The following FER1L6 variants were observed in gnomAD, a reference collection of about 807,000 sequenced individuals.
FER1L6 encodes fer-1-like protein 6.
In FER1L6, 177 loss-of-function variants were observed where a neutral mutation model predicts 219.2. The ratio of observed to expected loss-of-function variants is 0.81; its 90% confidence interval spans 0.71 to 0.91. The LOEUF (loss-of-function observed/expected upper bound fraction) is 0.91, where lower values mean the gene tolerates loss of function less well. FER1L6 is among the 40% of genes least tolerant of loss of function. The pLI, the probability that FER1L6 is intolerant of heterozygous loss-of-function variation, is 0.00. For synonymous variants in FER1L6, 768 were observed against 824.3 expected (o/e 0.93, Z 1.17); for missense variants, 2,153 against 2,259.9 (o/e 0.95, Z 0.96).
At chr8:124,108,432 G>T (rs77619736) in intron 39 of FER1L6, among the ~76,000 whole-genome samples, 6 of 152,118 alleles carry the variant, frequency 3.9e-5, no homozygotes, top group Admixed American at 3.9e-4. Context: ...TCAGATTTTC[G>T]CTTGAGCCAT....
chr8:123,975,252 G>C lies in FER1L6; in HGVS notation c.629G>C (p.Gly210Ala). ...LKCDISVMGKGDVLKTSPKTS... is the reference protein window; with the variant it reads ...LKCDISVMGKADVLKTSPKTS... Reference sequence around the variant, plus strand: ...TGTGACATCAGTGTCATGGGAAAAGGTGATGTCTTGAAGACCAGCCCTAAA... The same window carrying C: ...TGTGACATCAGTGTCATGGGAAAAGCTGATGTCTTGAAGACCAGCCCTAAA... The change falls in exon 8 of 41, where the codon GGT (glycine) becomes GCT (alanine). Residue 210 changes from glycine to alanine, a missense_variant. Gly to Ala is a moderately conservative substitution (Grantham distance 60). Transcript: ENST00000522917. 6.2e-7 allele frequency: 1 copy of C among 1,613,486 alleles called. No individual in the cohort carries two copies. The highest frequency in any genetic ancestry group is 8.5e-7 in the Non-Finnish European group (1 of 1,179,732).
In FER1L6 at chr8:124,049,725, G is replaced by C. The variant is rs376635454; in HGVS notation, c.2843G>C (p.Gly948Ala). Residue 948 changes from glycine (G) to alanine (A), a missense_variant, in exon 22 of 41, where the codon GGG becomes GCG. Transcript: ENST00000522917. ...ATCTTTTGTGGGAATCTCTCTGGAG[G>C]GGATCTCCTTGCTGTATTTGAACTG... Reference protein sequence around the residue: ...HPIFCGNLSGGDLLAVFELLQ... With the variant: ...HPIFCGNLSGADLLAVFELLQ... The C allele has an allele frequency of 3.7e-6, 6 of 1,613,900 alleles. No homozygotes were observed. The highest frequency in any genetic ancestry group is 1.7e-4 in the Middle Eastern group (1 of 6,048).
Position 123,938,609 on chromosome 8 carries a change from C to T in FER1L6, c.-7-17383C>T, listed in dbSNP as rs560450540. Among the ~76,000 whole-genome samples the T allele has an allele frequency of 6.0e-4, 86 of 143,798 alleles. 1 individual carries two copies. Among genetic ancestry groups the T allele is most frequent in the African/African-American group, 2.1e-3 (80 of 38,642 alleles). The allele number at this position is 143,798 out of a possible 152,430, so 94.3% of individuals were successfully genotyped here. On this transcript the variant is annotated intron_variant, in intron 1 of 40. Coordinates refer to ENST00000522917, the MANE Select transcript of FER1L6 (RefSeq NM_001039112.2). ...TCACCCAGGCTCAAGTGCAGTGGTG[C>T]GATCTTGGCTCACTGCAACCTCCAC...
chr8:123,992,333 AT>A (rs141246673), intron 12 of FER1L6, among the ~76,000 whole-genome samples: 26,478 of 151,890 alleles, frequency 0.17, 2,847 homozygotes, highest in South Asian at 0.28. Flanking sequence ...TGGCCCTAGG[AT>A]TTTTTTGTTG....
chr8:124,003,433 A>G, intron 13 of FER1L6, 86 bp downstream of exon 13: 1 of 575,486 alleles, frequency 1.7e-6, no homozygotes, highest in Non-Finnish European at 2.7e-6. Context: ...TCAGTTCTTC[A>G]CTAAAATCAG....
At chr8:123,965,765 A>G (rs1186407652) in intron 3 of FER1L6, among the ~76,000 whole-genome samples, 5 of 152,194 alleles carry the variant, frequency 3.3e-5, no homozygotes, top group Admixed American at 1.3e-4. Flanking sequence ...TTAAACCTTT[A>G]TATGCACTAT....
chr8:124,021,698 T>G, intron 17 of FER1L6, 29 bp downstream of exon 17: 1 of 1,612,360 alleles, frequency 6.2e-7, no homozygotes, highest in Non-Finnish European at 8.5e-7. Flanking sequence ...AAACCTCATT[T>G]GGAAGGTTAG....
Position 124,031,411 on chromosome 8 carries a change from C to G in FER1L6, c.2287-3866C>G, listed in dbSNP as rs148211901. On this transcript the variant is annotated intron_variant, in intron 18 of 40. Transcript: ENST00000522917. The stretch of plus-strand genomic sequence containing the variant: ...AAGGGTATTATCTAATGCTAGTGGA[C>G]TGAGTGGGGAAACAGCAAGGCCTGT... Among the ~76,000 whole-genome samples, 610 of 152,124 alleles carry G rather than the reference C, an allele frequency of 4.0e-3. 1 individual carries two copies. Among genetic ancestry groups the G allele is most frequent in the Middle Eastern group, 0.027 (8 of 294 alleles).
At chr8:124,078,203 G>A (rs912388048) in intron 32 of FER1L6, among the ~76,000 whole-genome samples, 4 of 152,148 alleles carry the variant, frequency 2.6e-5, no homozygotes, top group Non-Finnish European at 5.9e-5. Context: ...ATGGATGGAT[G>A]GGTGGGTGGG....
At chr8:124,040,043 G>T in intron 20 of FER1L6, 37 bp downstream of exon 20, 1 of 1,613,162 alleles carries the variant, frequency 6.2e-7, no homozygotes, top group African/African-American at 1.3e-5. Context: ...CTTCTTTCCT[G>T]CAGCCTGCAA....
chr8:123,967,640 C>A (rs557973444), intron 5 of FER1L6, among the ~76,000 whole-genome samples: 4 of 152,260 alleles, frequency 2.6e-5, no homozygotes, highest in African/African-American at 9.6e-5. Context: ...TGAATTATTT[C>A]AAAAAATTCA....
chr8:124,103,206 A>T lies in FER1L6; in HGVS notation c.5186A>T (p.Asp1729Val). 3.1e-6 allele frequency: 5 copies of T among 1,614,170 alleles called. No individual in the cohort carries two copies. Among genetic ancestry groups the T allele is most frequent in the Non-Finnish European group, 4.2e-6 (5 of 1,180,006 alleles). Residue 1729 changes from aspartate to valine, a missense_variant, in exon 39 of 41, where the codon GAT becomes GTT. By Grantham distance (152) the Asp-to-Val change is radical. Coordinates refer to ENST00000522917, the MANE Select transcript of FER1L6 (RefSeq NM_001039112.2). ...PRAAKSAKAC[D>V]LAKFENASEE... is the part of the protein sequence containing the mutation. ...GCAGCTAAGTCTGCCAAAGCCTGTG[A>T]TCTTGCCAAGTTTGAAAATGCAAGT...
Position 124,103,297 on chromosome 8 carries a change from C to G in FER1L6, c.5277C>G (p.Ser1759Arg). 1 of 1,613,748 alleles carries G rather than the reference C, an allele frequency of 6.2e-7. No individual in the cohort carries two copies. The highest frequency in any genetic ancestry group is 8.5e-7 in the Non-Finnish European group (1 of 1,179,834). Residue 1759 changes from serine to arginine, a missense_variant, in exon 39 of 41, where the codon AGC becomes AGG. Coordinates refer to ENST00000522917, the MANE Select transcript of FER1L6 (RefSeq NM_001039112.2). Reference sequence around the variant, plus strand: ...GTGGCTGGTGGCCTTTTTCTAAAAGCAAAGAACTCACAGTAAGTGACAGCT... The same window carrying G: ...GTGGCTGGTGGCCTTTTTCTAAAAGGAAAGAACTCACAGTAAGTGACAGCT... ...RVRGWWPFSK[S>R]KELTGKVEAE...
At chr8:123,981,011 C>G (rs766267559) in intron 11 of FER1L6, among the ~76,000 whole-genome samples, 200 bp downstream of exon 11, 1 of 152,168 alleles carries the variant, frequency 6.6e-6, no homozygotes, top group Non-Finnish European at 1.5e-5. Context: ...ATGATAAATT[C>G]CTTTGAATCC....
intron 1 of FER1L6, among the ~76,000 whole-genome samples, chr8:123,898,730 TAG>T (rs572214815): frequency 6.9e-6 from 1 of 144,648 alleles, no homozygotes; most frequent in East Asian, 2.0e-4. Flanking sequence ...TGTGTATATA[TAG>T]TATATATACA....
intron 6 of FER1L6, among the ~76,000 whole-genome samples, chr8:123,971,979 T>G: frequency 6.6e-6 from 1 of 152,344 alleles, no homozygotes; most frequent in East Asian, 1.9e-4. Flanking sequence ...AAGATTTGTT[T>G]GGGGCTCTTG....
chr8:124,103,301 G>T lies in FER1L6; in HGVS notation c.5281G>T (p.Glu1761Ter), dbSNP rs1822624460. 1 of 1,613,742 alleles carries T rather than the reference G, an allele frequency of 6.2e-7. No homozygotes were observed. Among genetic ancestry groups the T allele is most frequent in the Non-Finnish European group, 8.5e-7 (1 of 1,179,886 alleles). Residue 1761 changes from glutamate to a stop codon, truncating the protein, a stop_gained, in exon 39 of 41, where the codon GAA (glutamate) becomes TAA (stop). Transcript: ENST00000522917. LOFTEE classifies it high-confidence loss of function. ...CTGGTGGCCTTTTTCTAAAAGCAAA[G>T]AACTCACAGTAAGTGACAGCTATGG... The part of the protein sequence containing the change: ...RGWWPFSKSK[E>*]LTGKVEAEFH...
At position 123,978,000 on chromosome 8, in the gene FER1L6, G is replaced by A. The variant is rs574635293; in HGVS notation, c.1063+391G>A. Among the ~76,000 whole-genome samples, 219 of 152,216 alleles carry A rather than the reference G, an allele frequency of 1.4e-3. 1 individual carries two copies. The highest frequency in any genetic ancestry group is 5.0e-3 in the African/African-American group (209 of 41,542). On this transcript the variant is annotated intron_variant, in intron 10 of 40. Coordinates refer to ENST00000522917, the MANE Select transcript of FER1L6 (RefSeq NM_001039112.2). ...TGGGTACTGGTCCATGGCTCTGGGC[G>A]GTCAGGAGCCCCTGGGTTAGAGCAC...
intron 1 of FER1L6, among the ~76,000 whole-genome samples, chr8:123,898,225 A>C (rs1382062691): frequency 1.3e-5 from 2 of 152,166 alleles, no homozygotes; most frequent in African/African-American, 4.8e-5. Context: ...AAAACTTAGA[A>C]GAATAAGTAT....
Sources: gnomAD v4.1 joint callset for allele counts (sites outside exome capture counted in the v4.1 genomes callset) on GRCh38, gnomAD v4.1.1 for gene constraint, MANE v1.5 for transcripts, NCBI Gene and HGNC (gene_info 2026-07-23, HGNC 2026-07-21) for gene names.